Variants in CEP20 observed in about 807,000 individuals in gnomAD.
CEP20 encodes FGFR1OP N-terminal like.
In CEP20, 18 loss-of-function variants were observed where a neutral mutation model predicts 20.0. The observed-to-expected ratio is 0.90, with a 90% CI of 0.62 to 1.34. The LOEUF is 1.34. Ranked by LOEUF, CEP20 falls within the 40% of genes most tolerant of loss-of-function variation. The probability of loss-of-function intolerance (pLI) is 0.00; values close to 1 mark genes in which losing one functional copy is unlikely to be tolerated. For missense variants in CEP20, 215 were observed against 201.6 expected (o/e 1.07, Z -0.40); for synonymous variants, 77 against 73.7 (o/e 1.04, Z -0.23).
chr16:15,867,276 C>A lies in CEP20; in HGVS notation c.*164G>T, dbSNP rs1429525434. The A allele has an allele frequency of 2.1e-6, 1 of 477,404 alleles. No individual in the cohort carries two copies. 29.6% of individuals were successfully genotyped at this position (477,404 alleles called of 1,614,324 possible). On this transcript the variant is annotated 3_prime_UTR_variant, in exon 5 of 5. Coordinates refer to ENST00000255759, the MANE Select transcript of CEP20 (RefSeq NM_144600.4). ...AAGTCAAATCCAATAAGCTAGATGA[C>A]AAGAGTTAGCTTTTATTCACAAATG...
chr16:15,870,366 A>G (rs2044784804), intron 4 of CEP20, among the ~76,000 whole-genome samples: 1 of 152,178 alleles, frequency 6.6e-6, no homozygotes, highest in Admixed American at 6.5e-5. Flanking sequence ...ATATTGTCAT[A>G]TATTCTTGGT....
At chr16:15,875,110 A>C (rs2044912352) in intron 3 of CEP20, among the ~76,000 whole-genome samples, 1 of 152,166 alleles carries the variant, frequency 6.6e-6, no homozygotes, top group African/African-American at 2.4e-5. Flanking sequence ...TCCACAAATA[A>C]TCTATGTTGT....
At chr16:15,869,310 CTTT>C (rs11351295) in intron 4 of CEP20, among the ~76,000 whole-genome samples, 8 of 118,144 alleles carry the variant, frequency 6.8e-5, no homozygotes, top group Admixed American at 1.7e-4. Flanking sequence ...TCTTTCTTTC[CTTT>C]TTTTTTTTTT....
intron 3 of CEP20, among the ~76,000 whole-genome samples, chr16:15,874,028 G>T (rs542175335): frequency 1.3e-5 from 2 of 152,102 alleles, no homozygotes; most frequent in Non-Finnish European, 2.9e-5. Context: ...AAAAGTCTTA[G>T]GTCCTGAGAG....
At chr16:15,886,443 C>T (rs968409990) in intron 1 of CEP20, among the ~76,000 whole-genome samples, 3 of 152,216 alleles carry the variant, frequency 2.0e-5, no homozygotes, top group Non-Finnish European at 2.9e-5. Context: ...AACTGAACCC[C>T]TATTCTCTAA....
rs549468489 is a variant in CEP20, at chr16:15,888,426, A to G, written c.28+132T>C. 948 of 1,196,614 alleles carry G rather than the reference A, an allele frequency of 7.9e-4. 2 individuals are homozygous for G. Among genetic ancestry groups the G allele is most frequent in the Non-Finnish European group, 1.1e-3 (882 of 833,872 alleles). 74.1% of individuals were successfully genotyped at this position (1,196,614 alleles called of 1,614,324 possible). Reference sequence around the variant, plus strand: ...AAGACAGCAGCCAGACGCTCCCCGCAGGCCCTCACACCGAAGAATGACGCC... The same window carrying G: ...AAGACAGCAGCCAGACGCTCCCCGCGGGCCCTCACACCGAAGAATGACGCC... On this transcript the variant is annotated intron_variant, in intron 1 of 4. Transcript: ENST00000255759.
At chr16:15,887,625 T>C (rs1176085659) in intron 1 of CEP20, among the ~76,000 whole-genome samples, 2 of 152,130 alleles carry the variant, frequency 1.3e-5, no homozygotes, top group African/African-American at 4.8e-5. Context: ...CTGAGTTGAG[T>C]AGTGCCTGAC....
At chr16:15,883,074 G>C (rs12444381) in intron 2 of CEP20, 30,559 of 149,132 alleles carry the variant, frequency 0.2, 3,763 homozygotes, top group East Asian at 0.41. Flanking sequence ...AGAAAAAAAA[G>C]ACAGGGGTTG....
At chr16:15,875,236 A>T (rs954868840) in intron 3 of CEP20, among the ~76,000 whole-genome samples, 1 of 152,224 alleles carries the variant, frequency 6.6e-6, no homozygotes, top group Non-Finnish European at 1.5e-5. Flanking sequence ...TGAAAGCGTC[A>T]CCTAGTAATA....
At chr16:15,867,834 G>A (rs1043090987) in intron 4 of CEP20, among the ~76,000 whole-genome samples, 4 of 152,120 alleles carry the variant, frequency 2.6e-5, no homozygotes, top group African/African-American at 4.8e-5. Flanking sequence ...TTACCCGGGC[G>A]TGGTGGCAGG....
chr16:15,871,601 A>G (rs978090166), intron 4 of CEP20, among the ~76,000 whole-genome samples: 1 of 152,214 alleles, frequency 6.6e-6, no homozygotes. Context: ...GGGAACAGCA[A>G]TCAAATGTGC....
At chr16:15,870,333 G>A (rs1161210953) in intron 4 of CEP20, among the ~76,000 whole-genome samples, 1 of 152,120 alleles carries the variant, frequency 6.6e-6, no homozygotes, top group Non-Finnish European at 1.5e-5. Flanking sequence ...ATATCCACTG[G>A]TGACAACTGA....
chr16:15,885,869 G>A (rs2045232513), intron 1 of CEP20: 1 of 152,368 alleles, frequency 6.6e-6, no homozygotes. Flanking sequence ...TGACAAAGCA[G>A]TTATGATCAT....
intron 2 of CEP20, among the ~76,000 whole-genome samples, chr16:15,882,730 T>C (rs1210406730): frequency 8.4e-6 from 1 of 119,632 alleles, no homozygotes; most frequent in Non-Finnish European, 1.8e-5. Flanking sequence ...TTATCTCCAT[T>C]ATATCTATCT....
At chr16:15,868,564 T>C (rs892726894) in intron 4 of CEP20, among the ~76,000 whole-genome samples, 9 of 152,190 alleles carry the variant, frequency 5.9e-5, no homozygotes, top group Admixed American at 1.3e-4. Flanking sequence ...ACTTTGATAA[T>C]AGGAAAAAAT....
chr16:15,888,119 G>A (rs1336955591), intron 1 of CEP20, among the ~76,000 whole-genome samples: 1 of 150,810 alleles, frequency 6.6e-6, no homozygotes. Context: ...CTACTTAACA[G>A]GTTGTTGTAA....
chr16:15,888,076 T>TAAA (rs60631057), intron 1 of CEP20, among the ~76,000 whole-genome samples: 14 of 130,806 alleles, frequency 1.1e-4, no homozygotes, highest in Admixed American at 6.2e-4. Flanking sequence ...ACCCTCTCTT[T>TAAA]AAAAAAAAAA....
Position 15,884,384 on chromosome 16 carries a change from A to G in CEP20, c.29-179T>C, listed in dbSNP as rs111869471. Among the ~76,000 whole-genome samples the G allele has an allele frequency of 5.2e-3, 787 of 152,342 alleles. 3 individuals carry two copies. Among genetic ancestry groups the G allele is most frequent in the Middle Eastern group, 0.027 (8 of 294 alleles). ...ACTACCACCAGCCATGTTTATACTA[A>G]AACATATAGTTCTCATGTTGCAGTG... On this transcript the variant is annotated intron_variant, in intron 1 of 4. Transcript: ENST00000255759.
At chr16:15,879,445 C>T (rs2045046366) in intron 3 of CEP20, among the ~76,000 whole-genome samples, 1 of 151,956 alleles carries the variant, frequency 6.6e-6, no homozygotes, top group South Asian at 2.1e-4. Flanking sequence ...GTCAGGAGTT[C>T]GAGACCAGCC....
Sources: allele counts gnomAD v4.1 joint callset (sites outside exome capture counted in the v4.1 genomes callset), GRCh38; gene constraint gnomAD v4.1.1; transcripts MANE v1.5; gene names NCBI Gene and HGNC (gene_info 2026-07-23, HGNC 2026-07-21).